Variants in TRIM54 observed in about 807,000 individuals in gnomAD.
TRIM54 encodes tripartite motif-containing protein 54.
TRIM54 carries 40 observed loss-of-function variants against 42.0 expected under a neutral mutation model. That is an observed-to-expected ratio of 0.95 (90% CI 0.74 to 1.24). TRIM54 has a LOEUF of 1.24. Ranked by LOEUF, TRIM54 falls within the 50% of genes most tolerant of loss-of-function variation. The probability of loss-of-function intolerance (pLI) is 0.00; values close to 1 mark genes in which losing one functional copy is unlikely to be tolerated. For missense variants in TRIM54, 485 were observed against 480.3 expected (o/e 1.01, Z -0.09); for synonymous variants, 199 against 194.9 (o/e 1.02, Z -0.17).
chr2:27,300,155 T>C (rs1445886615), intron 3 of TRIM54, among the ~76,000 whole-genome samples: 1 of 151,986 alleles, frequency 6.6e-6, no homozygotes, highest in East Asian at 1.9e-4. Context: ...TATTTTATTT[T>C]ATTTATTTAT....
At chr2:27,302,482 G>A (rs6716850) in intron 3 of TRIM54, among the ~76,000 whole-genome samples, 54,456 of 149,586 alleles carry the variant, frequency 0.36, 11,693 homozygotes, top group African/African-American at 0.59. Context: ...AATAAAATAA[G>A]TAAATAAAAA....
chr2:27,301,028 A>C (rs956370312), intron 3 of TRIM54, among the ~76,000 whole-genome samples: 5 of 152,106 alleles, frequency 3.3e-5, no homozygotes, highest in Non-Finnish European at 7.4e-5. Context: ...GAAAGAATTC[A>C]GGGCTAGTCC....
intron 1 of TRIM54, among the ~76,000 whole-genome samples, chr2:27,283,781 C>CGT (rs1355082049): frequency 1.1e-4 from 9 of 83,820 alleles, no homozygotes; most frequent in South Asian, 4.5e-4. Context: ...CACACACACG[C>CGT]GCGCACACAC....
chr2:27,302,218 A>G (rs919233702), intron 3 of TRIM54, among the ~76,000 whole-genome samples: 2 of 152,022 alleles, frequency 1.3e-5, no homozygotes, highest in African/African-American at 4.8e-5. Flanking sequence ...TGGGAGGCCA[A>G]AGTGGGTGGA....
At chr2:27,301,818 G>A (rs1012652633) in intron 3 of TRIM54, among the ~76,000 whole-genome samples, 4 of 152,068 alleles carry the variant, frequency 2.6e-5, no homozygotes, top group South Asian at 4.1e-4. Context: ...TGGTTCAAAC[G>A]CCCCTGACAC....
rs767297997 is a variant in TRIM54, at chr2:27,307,286, G to A, written c.*401G>A. ...CACCTGGCTGACCTGGCTGAAAGCC[G>A]CTGTCTCGGAGCCCCCCACAGCATT... On this transcript the variant is annotated 3_prime_UTR_variant, in exon 9 of 9. Coordinates refer to ENST00000380075, the MANE Select transcript of TRIM54 (RefSeq NM_187841.3). This position sits in a 1 kb window ranked among gnomAD's most constrained non-coding sequence, Gnocchi z 6.9. 40 of 660,874 alleles carry A rather than the reference G, an allele frequency of 6.1e-5. No individual in the cohort carries two copies. Among genetic ancestry groups the A allele is most frequent in the Non-Finnish European group, 8.7e-5 (35 of 404,536 alleles). 40.9% of individuals were successfully genotyped at this position (660,874 alleles called of 1,614,324 possible).
intron 3 of TRIM54, among the ~76,000 whole-genome samples, chr2:27,303,528 C>A (rs1354044861): frequency 6.6e-6 from 1 of 150,784 alleles, no homozygotes; most frequent in Non-Finnish European, 1.5e-5. Flanking sequence ...CCAGCCTGGG[C>A]AACAGGGAGA....
In TRIM54 at chr2:27,282,811, C is replaced by G; in HGVS notation, c.80C>G (p.Pro27Arg). 3 of 1,614,064 alleles carry G rather than the reference C, an allele frequency of 1.9e-6. No individual in the cohort carries two copies. The highest frequency in any genetic ancestry group is 2.5e-6 in the Non-Finnish European group (3 of 1,179,962). ...AACCTGGAGAAGCAGCTCATCTGCC[C>G]CATCTGCCTGGAGATGTTCTCCAAA... ...MDNLEKQLICPICLEMFSKPV... is the reference protein window; with the variant it reads ...MDNLEKQLICRICLEMFSKPV... Residue 27 changes from proline (P) to arginine (R), a missense_variant, in exon 1 of 9, where the codon CCC (proline) becomes CGC (arginine). Physicochemically the swap from Pro to Arg is moderately radical, Grantham distance 103. Transcript: ENST00000380075.
intron 3 of TRIM54, chr2:27,299,741 T>C: frequency 1.7e-6 from 1 of 605,722 alleles, no homozygotes; most frequent in Non-Finnish European, 2.9e-6. Context: ...AGTCTCGCTC[T>C]GTCGCCCAGG....
intron 1 of TRIM54, among the ~76,000 whole-genome samples, chr2:27,291,351 G>T (rs959200788): frequency 6.6e-6 from 1 of 152,148 alleles, no homozygotes; most frequent in African/African-American, 2.4e-5. Context: ...GTGAAACCCT[G>T]TCGCAAAACA....
At chr2:27,304,768 C>T in intron 3 of TRIM54, 191 bp from the exon 4 acceptor site, 1 of 507,430 alleles carries the variant, frequency 2.0e-6, no homozygotes, top group Non-Finnish European at 3.6e-6. Context: ...GGGCTTCTCT[C>T]CACCTCCTTC....
intron 1 of TRIM54, among the ~76,000 whole-genome samples, chr2:27,284,568 G>T (rs1005706043): frequency 1.1e-4 from 16 of 151,886 alleles, no homozygotes; most frequent in African/African-American, 3.6e-4. Flanking sequence ...ACCAAATGCT[G>T]TGCCTCCTCG....
At chr2:27,293,043 T>G (rs1310843245) in intron 1 of TRIM54, among the ~76,000 whole-genome samples, 3 of 152,252 alleles carry the variant, frequency 2.0e-5, no homozygotes, top group Admixed American at 6.5e-5. Flanking sequence ...CTCTTTGTTT[T>G]TGTTATTTCT....
In TRIM54 at chr2:27,307,387, G is replaced by A. The variant is rs1572535899; in HGVS notation, c.*502G>A. The A allele has an allele frequency of 7.0e-7, 1 of 1,427,280 alleles. No individual in the cohort carries two copies. The highest frequency in any genetic ancestry group is 2.6e-5 in the East Asian group (1 of 38,272). 88.4% of individuals were successfully genotyped at this position (1,427,280 alleles called of 1,614,324 possible). On this transcript the variant is annotated 3_prime_UTR_variant, in exon 9 of 9. Coordinates refer to ENST00000380075, the MANE Select transcript of TRIM54 (RefSeq NM_187841.3). This position sits in a 1 kb window ranked among gnomAD's most constrained non-coding sequence, Gnocchi z 6.9. ...GCTGCTGTGACTGCCCTGCCTCTAC[G>A]ACAAAAGCCAACGGGTCTTCAGTAC...
intron 1 of TRIM54, among the ~76,000 whole-genome samples, chr2:27,295,039 G>A (rs1490392761): frequency 6.6e-6 from 1 of 152,018 alleles, no homozygotes; most frequent in East Asian, 1.9e-4. Context: ...AGTTAGGAGT[G>A]ATTGTTCACC....
chr2:27,299,663 A>G (rs1678972731), intron 3 of TRIM54: 1 of 682,858 alleles, frequency 1.5e-6, no homozygotes, highest in African/African-American at 1.9e-5. Flanking sequence ...GATGTGAGCC[A>G]CCGCACTCAG....
intron 3 of TRIM54, among the ~76,000 whole-genome samples, chr2:27,301,133 CTCTTTTTTTTTTTTT>C (rs1679023383): frequency 6.8e-6 from 1 of 148,022 alleles, no homozygotes; most frequent in African/African-American, 2.5e-5. Context: ...GCTGGTTGCC[CTCTTTTTTTTTTTTT>C]TTTTTTTTTA....
intron 3 of TRIM54, 49 bp downstream of exon 3, chr2:27,299,465 C>T (rs775359676): frequency 6.3e-7 from 1 of 1,596,340 alleles, no homozygotes; most frequent in Non-Finnish European, 8.5e-7. Flanking sequence ...GGGCTTAGGA[C>T]AGGGTCTCAG....
rs1679255772 is a variant in TRIM54 at position 27,307,337 on chromosome 2, G to C, written c.*452G>C. Reference sequence around the variant, plus strand: ...TTGTTCCCCTCCCGCTGGCCCGGGGGCCCCACCTTCCCACGGGTTCCCACG... The same window carrying C: ...TTGTTCCCCTCCCGCTGGCCCGGGGCCCCCACCTTCCCACGGGTTCCCACG... On this transcript the variant is annotated 3_prime_UTR_variant, in exon 9 of 9. Coordinates refer to ENST00000380075, the MANE Select transcript of TRIM54 (RefSeq NM_187841.3). The surrounding 1 kb of genome is among the most constrained non-coding windows in gnomAD (Gnocchi z 6.9). The C allele has an allele frequency of 3.7e-6, 4 of 1,072,168 alleles. No homozygotes were observed. The Admixed American group carries it at 8.9e-5, about 24-fold the overall frequency. 66.4% of individuals were successfully genotyped at this position (1,072,168 alleles called of 1,614,324 possible).
Sources: gnomAD v4.1 joint callset for allele counts (sites outside exome capture counted in the v4.1 genomes callset) on GRCh38, gnomAD v4.1.1 for gene constraint, Gnocchi (gnomAD v3.1) non-coding constraint, MANE v1.5 for transcripts, NCBI Gene and HGNC (gene_info 2026-07-23, HGNC 2026-07-21) for gene names.